The following CFAP77 variants were observed in gnomAD, a reference collection of about 807,000 sequenced individuals.
CFAP77 encodes the protein cilia and flagella associated protein 77.
A neutral mutation model predicts 31.1 loss-of-function variants in CFAP77; 25 were observed. That is an observed-to-expected ratio of 0.80 (90% CI 0.59 to 1.12). The LOEUF is 1.12. CFAP77 is among the 50% of genes most tolerant of loss of function. The pLI is 0.00. For missense variants in CFAP77, 377 were observed against 397.3 expected (o/e 0.95, Z 0.44); for synonymous variants, 151 against 159.9 (o/e 0.94, Z 0.42).
chr9:132,552,061 C>A lies in CFAP77; in HGVS notation c.732+9014C>A, dbSNP rs113119675. On this transcript the variant is annotated intron_variant, in intron 5 of 5. Coordinates refer to ENST00000393216, the MANE Select transcript of CFAP77 (RefSeq NM_001282957.2). This position sits in a 1 kb window ranked among gnomAD's most constrained non-coding sequence, Gnocchi z 5.5. ...GCCCCAAGGCTAAAAAGGAAAGAGGCGGCTGATCCCGGATTCAGGCTTACT... is the reference window on the plus strand; with the variant it reads ...GCCCCAAGGCTAAAAAGGAAAGAGGAGGCTGATCCCGGATTCAGGCTTACT... Among the ~76,000 whole-genome samples the A allele has an allele frequency of 6.6e-6, 1 of 152,224 alleles. No individual in the cohort carries two copies. The highest frequency in any genetic ancestry group is 1.5e-5 in the Non-Finnish European group (1 of 68,032).
chr9:132,540,357 T>C (rs889788356), intron 4 of CFAP77, among the ~76,000 whole-genome samples: 11 of 152,178 alleles, frequency 7.2e-5, no homozygotes, highest in African/African-American at 2.4e-4. Context: ...CTCGTGTGGT[T>C]TGGAGCAGGT....
chr9:132,440,238 G>A (rs1455856076), intron 1 of CFAP77, among the ~76,000 whole-genome samples: 1 of 152,068 alleles, frequency 6.6e-6, no homozygotes, highest in African/African-American at 2.4e-5. Flanking sequence ...TTGAGAGGTC[G>A]AGGAGAGAGG....
intron 3 of CFAP77, chr9:132,513,124 G>A: frequency 1.1e-6 from 1 of 884,296 alleles, no homozygotes; most frequent in Non-Finnish European, 1.7e-6. Context: ...ACATCGTGGA[G>A]AATGGGGTCT....
rs1852720383 is a variant in CFAP77 at position 132,545,829 on chromosome 9, G to T, written c.732+2782G>T. 6.6e-6 allele frequency among the ~76,000 whole-genome samples: 1 copy of T among 152,082 alleles called. No homozygotes were observed. Among genetic ancestry groups the T allele is most frequent in the African/African-American group, 2.4e-5 (1 of 41,398 alleles). On this transcript the variant is annotated intron_variant, in intron 5 of 5. Coordinates refer to ENST00000393216, the MANE Select transcript of CFAP77 (RefSeq NM_001282957.2). This position sits in a 1 kb window ranked among gnomAD's most constrained non-coding sequence, Gnocchi z 4.6. ...TTGGAGAGGTGAGAAGTGGAGTCTG[G>T]GTCCAATCTGGGGTTTCCTAGCCCC...
intron 1 of CFAP77, among the ~76,000 whole-genome samples, chr9:132,422,169 C>T (rs2131681135): frequency 6.6e-6 from 1 of 152,282 alleles, no homozygotes. Context: ...CGACCATGCC[C>T]AGATAATTTT....
At chr9:132,572,108 T>C (rs1001036641) in intron 5 of CFAP77, among the ~76,000 whole-genome samples, 1 of 152,078 alleles carries the variant, frequency 6.6e-6, no homozygotes, top group Non-Finnish European at 1.5e-5. Flanking sequence ...CTAGGTCCCA[T>C]TGCGTGGTCG....
intron 3 of CFAP77, among the ~76,000 whole-genome samples, chr9:132,513,608 A>G (rs2118999656): frequency 6.6e-6 from 1 of 152,282 alleles, no homozygotes; most frequent in South Asian, 2.1e-4. Context: ...ATCTCATGAC[A>G]CACATTTGCA....
chr9:132,496,783 T>C (rs979272327), intron 1 of CFAP77, among the ~76,000 whole-genome samples: 5 of 152,200 alleles, frequency 3.3e-5, no homozygotes, highest in African/African-American at 9.7e-5. Context: ...AAGTGGTTTT[T>C]AATATCAGGC....
At chr9:132,547,922 C>G (rs546440658) in intron 5 of CFAP77, among the ~76,000 whole-genome samples, 5 of 152,144 alleles carry the variant, frequency 3.3e-5, no homozygotes, top group Non-Finnish European at 7.4e-5. Context: ...TGGCTAACAG[C>G]GCTTCCTCCG....
At chr9:132,447,188 CT>C (rs570440260) in intron 1 of CFAP77, among the ~76,000 whole-genome samples, 12 of 152,332 alleles carry the variant, frequency 7.9e-5, no homozygotes, top group African/African-American at 2.6e-4. Flanking sequence ...CACTCTGCCA[CT>C]GATTCTGCAT....
Position 132,490,818 on chromosome 9 carries a change from C to G in CFAP77, c.196-7877C>G, listed in dbSNP as rs556480223. 6.6e-6 allele frequency among the ~76,000 whole-genome samples: 1 copy of G among 152,342 alleles called. No homozygotes were observed. Among genetic ancestry groups the G allele is most frequent in the African/African-American group, 2.4e-5 (1 of 41,578 alleles). On this transcript the variant is annotated intron_variant, in intron 1 of 5. Coordinates refer to ENST00000393216, the MANE Select transcript of CFAP77 (RefSeq NM_001282957.2). This position sits in a 1 kb window ranked among gnomAD's most constrained non-coding sequence, Gnocchi z 4.6. ...GCAGCTCCTCCGTCATTTTGTTCAACATTGTTATAATGTTGATGAGAAAAG... is the reference window on the plus strand; with the variant it reads ...GCAGCTCCTCCGTCATTTTGTTCAAGATTGTTATAATGTTGATGAGAAAAG...
At position 132,497,113 on chromosome 9, in the gene CFAP77, G is replaced by A. The variant is rs1851756339; in HGVS notation, c.196-1582G>A. Among the ~76,000 whole-genome samples, 1 of 152,034 alleles carries A rather than the reference G, an allele frequency of 6.6e-6. No individual in the cohort carries two copies. Among genetic ancestry groups the A allele is most frequent in the Non-Finnish European group, 1.5e-5 (1 of 68,002 alleles). On this transcript the variant is annotated intron_variant, in intron 1 of 5. Transcript: ENST00000393216. The surrounding 1 kb of genome is among the most constrained non-coding windows in gnomAD (Gnocchi z 4.9). The stretch of plus-strand genomic sequence containing the variant: ...CTGGGATGCCTGCGATCCTTCAGAT[G>A]AGGGGGAGTGGGTTTGTCTATCTCA...
chr9:132,485,654 A>G (rs928870302), intron 1 of CFAP77, among the ~76,000 whole-genome samples: 1 of 152,130 alleles, frequency 6.6e-6, no homozygotes, highest in Non-Finnish European at 1.5e-5. Context: ...AACCCCACAC[A>G]GTGGATAACC....
chr9:132,415,254 A>G (rs1450887590), intron 1 of CFAP77, among the ~76,000 whole-genome samples: 4 of 151,406 alleles, frequency 2.6e-5, no homozygotes, highest in Non-Finnish European at 5.9e-5. Flanking sequence ...CATCCTTACA[A>G]CTCTCTCCCT....
At position 132,554,583 on chromosome 9, in the gene CFAP77, C is replaced by A. The variant is rs1165866307; in HGVS notation, c.732+11536C>A. Among the ~76,000 whole-genome samples, 2 of 152,108 alleles carry A rather than the reference C, an allele frequency of 1.3e-5. No homozygotes were observed. Among genetic ancestry groups the A allele is most frequent in the African/African-American group, 2.4e-5 (1 of 41,400 alleles). ...AACTCCTGGGCTCAAGAGATCTGCC[C>A]GCCTTGGCCTCCCAAAGTGTTAGGA... On this transcript the variant is annotated intron_variant, in intron 5 of 5. Transcript: ENST00000393216. This position sits in a 1 kb window ranked among gnomAD's most constrained non-coding sequence, Gnocchi z 4.1.
intron 3 of CFAP77, among the ~76,000 whole-genome samples, chr9:132,526,785 T>C (rs371687622): frequency 5.1e-5 from 4 of 78,804 alleles, no homozygotes; most frequent in African/African-American, 2.0e-4. Context: ...ACACATACAC[T>C]CTCCCAAGAC....
At chr9:132,535,413 CT>C (rs1272984030) in intron 3 of CFAP77, among the ~76,000 whole-genome samples, 1 of 152,126 alleles carries the variant, frequency 6.6e-6, no homozygotes, top group Admixed American at 6.5e-5. Flanking sequence ...GCCCAAATCT[CT>C]TTTAAAGTCA....
At chr9:132,494,210 C>T (rs1851701093) in intron 1 of CFAP77, among the ~76,000 whole-genome samples, 1 of 152,208 alleles carries the variant, frequency 6.6e-6, no homozygotes, top group Admixed American at 6.5e-5. Context: ...CCACACCTGG[C>T]TCATTCTAAG....
At chr9:132,460,239 G>A (rs577958867) in intron 1 of CFAP77, among the ~76,000 whole-genome samples, 43 of 152,204 alleles carry the variant, frequency 2.8e-4, no homozygotes, top group African/African-American at 1.0e-3. Context: ...AGACTGCCTG[G>A]CCACCTCCCA....
Sources: allele counts gnomAD v4.1 joint callset (sites outside exome capture counted in the v4.1 genomes callset), GRCh38; gene constraint gnomAD v4.1.1; non-coding constraint Gnocchi (gnomAD v3.1); transcripts MANE v1.5; gene names NCBI Gene and HGNC (gene_info 2026-07-23, HGNC 2026-07-21).